KCNH7: variants seen among roughly 807,000 people sequenced by gnomAD.
The protein encoded by KCNH7 is voltage-gated inwardly rectifying potassium channel KCNH7.
A neutral mutation model predicts 120.8 loss-of-function variants in KCNH7; 49 were observed. That is an observed-to-expected ratio of 0.41 (90% CI 0.32 to 0.51). KCNH7 has a LOEUF of 0.51. Among genes scored for constraint, KCNH7 ranks in the 20% least tolerant of loss-of-function variants. KCNH7 has a pLI of 0.38. For synonymous variants in KCNH7, 547 were observed against 516.1 expected (o/e 1.06, Z -0.81); for missense variants, 1,097 against 1,446.6 (o/e 0.76, Z 3.92).
At chr2:162,695,887 C>T (rs932289812) in intron 2 of KCNH7, among the ~76,000 whole-genome samples, 1 of 152,074 alleles carries the variant, frequency 6.6e-6, no homozygotes, top group Non-Finnish European at 1.5e-5. Context: ...TCTTGGAAAG[C>T]AAACCACCTT....
intron 9 of KCNH7, among the ~76,000 whole-genome samples, chr2:162,406,036 T>G (rs1312952722): frequency 6.6e-6 from 1 of 151,984 alleles, no homozygotes; most frequent in Non-Finnish European, 1.5e-5. Flanking sequence ...GATAGCCAAA[T>G]AGATTTAAAT....
At chr2:162,439,166 A>C (rs904961192) in intron 7 of KCNH7, among the ~76,000 whole-genome samples, 2 of 152,262 alleles carry the variant, frequency 1.3e-5, no homozygotes, top group Middle Eastern at 3.4e-3. Flanking sequence ...TGAAAATATA[A>C]TAAATGTAAC....
At chr2:162,445,489 T>C (rs934148518) in intron 7 of KCNH7, among the ~76,000 whole-genome samples, 3 of 152,146 alleles carry the variant, frequency 2.0e-5, no homozygotes, top group Non-Finnish European at 4.4e-5. Flanking sequence ...GCACAATACA[T>C]ACACTTCTCG....
chr2:162,779,069 GTTTAA>G (rs772477266), intron 2 of KCNH7, among the ~76,000 whole-genome samples: 190 of 149,206 alleles, frequency 1.3e-3, no homozygotes, highest in Non-Finnish European at 1.8e-3. Flanking sequence ...ATAATATTCA[GTTTAA>G]TTTGTTTTGT....
At chr2:162,692,976 G>C in intron 2 of KCNH7, among the ~76,000 whole-genome samples, 1 of 152,066 alleles carries the variant, frequency 6.6e-6, no homozygotes, top group East Asian at 1.9e-4. Flanking sequence ...AAGGAAAACT[G>C]CATGGTCATT....
intron 2 of KCNH7, among the ~76,000 whole-genome samples, chr2:162,573,284 A>G (rs568865342): frequency 6.4e-4 from 97 of 152,224 alleles, no homozygotes; most frequent in African/African-American, 1.8e-3. Context: ...GTGTGAGAAC[A>G]TCAAGGGTAA....
intron 3 of KCNH7, among the ~76,000 whole-genome samples, chr2:162,530,722 C>A (rs1444761622): frequency 1.3e-5 from 2 of 151,648 alleles, no homozygotes; most frequent in Non-Finnish European, 2.9e-5. Context: ...ATTTTTTATT[C>A]TTTATTTTTT....
intron 2 of KCNH7, among the ~76,000 whole-genome samples, chr2:162,809,321 C>A (rs1481403626): frequency 1.3e-5 from 2 of 152,152 alleles, no homozygotes; most frequent in Non-Finnish European, 2.9e-5. Context: ...TAACATTCTT[C>A]AGCTTCTTGT....
At chr2:162,836,451 G>A (rs1268217102) in intron 2 of KCNH7, 86 bp downstream of exon 2, 1 of 936,958 alleles carries the variant, frequency 1.1e-6, no homozygotes, top group Admixed American at 2.2e-5. Context: ...TGAACATTTT[G>A]GGCTTCTTTG....
chr2:162,605,002 C>A (rs937088582), intron 2 of KCNH7, among the ~76,000 whole-genome samples: 2 of 152,046 alleles, frequency 1.3e-5, no homozygotes, highest in African/African-American at 4.8e-5. Context: ...GGGAAAATAA[C>A]TTCAAATGCT....
chr2:162,388,584 T>G (rs1464312639), intron 12 of KCNH7, among the ~76,000 whole-genome samples: 3 of 151,904 alleles, frequency 2.0e-5, no homozygotes, highest in Non-Finnish European at 4.4e-5. Context: ...CTAATCATTG[T>G]TTGCTATTGA....
chr2:162,592,683 C>T (rs1213699546), intron 2 of KCNH7, among the ~76,000 whole-genome samples: 1 of 152,056 alleles, frequency 6.6e-6, no homozygotes, highest in African/African-American at 2.4e-5. Flanking sequence ...TTTAGCACTA[C>T]TTTATTCATA....
chr2:162,836,956 C>T lies in KCNH7; in HGVS notation c.77-189G>A, dbSNP rs547412761. Among the ~76,000 whole-genome samples the T allele has an allele frequency of 3.9e-5, 6 of 152,134 alleles. No individual in the cohort carries two copies. In the South Asian group the frequency reaches 1.2e-3, roughly 32 times the overall value. On this transcript the variant is annotated intron_variant, in intron 1 of 15. Transcript: ENST00000332142. ...AACTTTAAATGTGAGATTAATGATC[C>T]TAAGTAATTTTAACAGAAAGTATTA...
At chr2:162,379,509 G>A (rs979117728) in intron 14 of KCNH7, among the ~76,000 whole-genome samples, 1 of 151,756 alleles carries the variant, frequency 6.6e-6, no homozygotes, top group Non-Finnish European at 1.5e-5. Context: ...ATCCGAAAAA[G>A]TGTAAAAGGA....
chr2:162,570,826 C>A lies in KCNH7; in HGVS notation c.308-33746G>T, dbSNP rs540233483. On this transcript the variant is annotated intron_variant, in intron 2 of 15. Coordinates refer to ENST00000332142, the MANE Select transcript of KCNH7 (RefSeq NM_033272.4). ...ATTATCTCAATAGATGCAGAAAAGG[C>A]CTTTGACAAAATTCAACAACTCTTC... Among the ~76,000 whole-genome samples the A allele has an allele frequency of 1.1e-4, 17 of 152,100 alleles. No individual in the cohort carries two copies. In the South Asian group the frequency reaches 3.5e-3, roughly 32 times the overall value.
Position 162,457,333 on chromosome 2 carries a change from GA to G in KCNH7, c.1129-10891del, listed in dbSNP as rs1016007296. 3.9e-5 allele frequency among the ~76,000 whole-genome samples: 6 copies of G among 151,936 alleles called. No homozygotes were observed. In the East Asian group the frequency reaches 1.2e-3, roughly 29 times the overall value. ...CGAGGATTTTCTTTTAAGAGAGAGA[GA>G]AAAAAATAAGGAATAAAAAAAGGGA... On this transcript the variant is annotated intron_variant, in intron 6 of 15. Coordinates refer to ENST00000332142, the MANE Select transcript of KCNH7 (RefSeq NM_033272.4).
intron 8 of KCNH7, among the ~76,000 whole-genome samples, chr2:162,427,252 T>C (rs2105500558): frequency 6.6e-6 from 1 of 152,226 alleles, no homozygotes; most frequent in East Asian, 1.9e-4. Context: ...GTGGAATTGC[T>C]GAGTTGTGTG....
intron 3 of KCNH7, among the ~76,000 whole-genome samples, chr2:162,518,674 TGTGA>T (rs1238946215): frequency 1.3e-5 from 2 of 151,744 alleles, no homozygotes; most frequent in Non-Finnish European, 2.9e-5. Context: ...TGAATAATAT[TGTGA>T]GTCGAGTTTG....
chr2:162,834,889 G>A (rs1403500349), intron 2 of KCNH7, among the ~76,000 whole-genome samples: 1 of 152,016 alleles, frequency 6.6e-6, no homozygotes, highest in Non-Finnish European at 1.5e-5. Flanking sequence ...TCCCTGAAAT[G>A]GTCTAGAAAA....
Sources: allele counts gnomAD v4.1 joint callset (sites outside exome capture counted in the v4.1 genomes callset), GRCh38; gene constraint gnomAD v4.1.1; transcripts MANE v1.5; gene names NCBI Gene and HGNC (gene_info 2026-07-23, HGNC 2026-07-21).